Variants in GABBR2 observed in about 807,000 individuals in gnomAD.
GABBR2 encodes gamma-aminobutyric acid type B receptor subunit 2, also known as G-protein coupled receptor 51.
Under a neutral mutation model 105.6 loss-of-function variants are expected in GABBR2, and 23 were observed. That is an observed-to-expected ratio of 0.22 (90% CI 0.16 to 0.31). The LOEUF is 0.31. Ranked by LOEUF, GABBR2 falls within the 10% of genes least tolerant of loss-of-function variation. GABBR2 has a pLI of 1.00. For synonymous variants in GABBR2, 478 were observed against 499.7 expected (o/e 0.96, Z 0.58); for missense variants, 734 against 1,245.5 (o/e 0.59, Z 6.18).
chr9:98,387,401 G>C (rs1832093130), intron 10 of GABBR2, among the ~76,000 whole-genome samples: 1 of 152,208 alleles, frequency 6.6e-6, no homozygotes, highest in African/African-American at 2.4e-5. Context: ...CATCTGGGCT[G>C]TCAATCTAAC....
chr9:98,350,745 G>A (rs1831384906), intron 13 of GABBR2, among the ~76,000 whole-genome samples: 1 of 152,144 alleles, frequency 6.6e-6, no homozygotes, highest in Non-Finnish European at 1.5e-5. Context: ...ATAACTGTCT[G>A]TTAGGTCCAT....
At chr9:98,434,838 A>G (rs147436483) in intron 7 of GABBR2, among the ~76,000 whole-genome samples, 6 of 152,300 alleles carry the variant, frequency 3.9e-5, no homozygotes, top group Non-Finnish European at 7.4e-5. Flanking sequence ...CCAAACAAGG[A>G]CAGTTTGTGA....
intron 3 of GABBR2, among the ~76,000 whole-genome samples, chr9:98,507,180 A>G (rs2808562): frequency 0.17 from 25,824 of 152,136 alleles, 3,278 homozygotes; most frequent in East Asian, 0.6. Context: ...TTCCCCCAAC[A>G]ATGTCCATGT....
chr9:98,588,808 C>T (rs1245992505), intron 1 of GABBR2, among the ~76,000 whole-genome samples: 1 of 152,176 alleles, frequency 6.6e-6, no homozygotes, highest in Non-Finnish European at 1.5e-5. Context: ...ACGATGTGTG[C>T]CATGCCCAGG....
intron 8 of GABBR2, among the ~76,000 whole-genome samples, chr9:98,402,549 G>A (rs571575341): frequency 6.6e-6 from 1 of 152,270 alleles, no homozygotes; most frequent in South Asian, 2.1e-4. Context: ...AAGGCATGCA[G>A]TTTATTTGGA....
chr9:98,627,093 A>G (rs1408547027), intron 1 of GABBR2, among the ~76,000 whole-genome samples: 1 of 152,040 alleles, frequency 6.6e-6, no homozygotes, highest in African/African-American at 2.4e-5. Flanking sequence ...GAGGCACCTG[A>G]GCCATAAGGG....
intron 7 of GABBR2, among the ~76,000 whole-genome samples, chr9:98,439,032 G>A (rs1397909857): frequency 1.3e-5 from 2 of 151,944 alleles, no homozygotes; most frequent in South Asian, 2.1e-4. Flanking sequence ...TGTCATACGT[G>A]TGCCACCCTC....
At chr9:98,586,284 C>CTTTTTT (rs569530376) in intron 1 of GABBR2, among the ~76,000 whole-genome samples, 8 of 131,062 alleles carry the variant, frequency 6.1e-5, no homozygotes, top group South Asian at 2.4e-4. Flanking sequence ...TCTTTTCTTT[C>CTTTTTT]TTTTTTTTTT....
intron 1 of GABBR2, among the ~76,000 whole-genome samples, chr9:98,693,353 G>C (rs991078936): frequency 6.6e-6 from 1 of 152,198 alleles, no homozygotes; most frequent in Admixed American, 6.5e-5. Flanking sequence ...TGCCATTCCC[G>C]GGCCCCTCCA....
At chr9:98,399,200 T>C (rs1008521585) in intron 8 of GABBR2, among the ~76,000 whole-genome samples, 4 of 151,900 alleles carry the variant, frequency 2.6e-5, no homozygotes, top group African/African-American at 7.3e-5. Flanking sequence ...CTAAAAATAC[T>C]AAAATTAGCC....
intron 13 of GABBR2, among the ~76,000 whole-genome samples, chr9:98,353,070 C>G (rs1483606052): frequency 1.3e-5 from 2 of 152,082 alleles, no homozygotes; most frequent in Non-Finnish European, 2.9e-5. Context: ...GGACTCCAGG[C>G]AGCTCCCTAT....
chr9:98,383,272 C>T (rs987738177), intron 11 of GABBR2, among the ~76,000 whole-genome samples: 12 of 152,226 alleles, frequency 7.9e-5, no homozygotes, highest in African/African-American at 2.4e-4. Context: ...AGAACAACCC[C>T]ACTGAACCAC....
At chr9:98,591,072 G>A (rs942967796) in intron 1 of GABBR2, among the ~76,000 whole-genome samples, 2 of 152,174 alleles carry the variant, frequency 1.3e-5, no homozygotes, top group Admixed American at 1.3e-4. Flanking sequence ...CATAACACAG[G>A]GCAGGATAGA....
At chr9:98,512,446 T>C (rs1360674367) in intron 3 of GABBR2, among the ~76,000 whole-genome samples, 1 of 151,392 alleles carries the variant, frequency 6.6e-6, no homozygotes, top group Non-Finnish European at 1.5e-5. Context: ...GGTATTCAAT[T>C]AGGAAAAGAG....
intron 1 of GABBR2, among the ~76,000 whole-genome samples, chr9:98,628,853 A>C (rs567754562): frequency 1.3e-5 from 2 of 152,244 alleles, no homozygotes; most frequent in Non-Finnish European, 2.9e-5. Context: ...GAAGCTGAAA[A>C]GGCCACGTGC....
chr9:98,491,887 T>A (rs541758318), intron 4 of GABBR2, among the ~76,000 whole-genome samples: 188 of 152,328 alleles, frequency 1.2e-3, no homozygotes, highest in African/African-American at 4.3e-3. Flanking sequence ...GCTCAGCCGT[T>A]TCTGTCATGA....
chr9:98,517,567 A>C (rs1442200499), intron 3 of GABBR2, among the ~76,000 whole-genome samples: 2 of 152,226 alleles, frequency 1.3e-5, no homozygotes, highest in African/African-American at 2.4e-5. Context: ...AATAATGTCT[A>C]AACTTCATTG....
chr9:98,604,627 T>C (rs1287125430), intron 1 of GABBR2, among the ~76,000 whole-genome samples: 1 of 152,204 alleles, frequency 6.6e-6, no homozygotes, highest in African/African-American at 2.4e-5. Flanking sequence ...TTGTTTTTAA[T>C]GCTGGCTGGA....
At chr9:98,303,162 G>A (rs1210004414) in intron 16 of GABBR2, 79 bp downstream of exon 16, 3 of 1,157,220 alleles carry the variant, frequency 2.6e-6, no homozygotes, top group Admixed American at 2.0e-5. Context: ...TGGTCTAGAG[G>A]AGCCTGAGAG....
Sources: gnomAD v4.1 joint callset for allele counts (sites outside exome capture counted in the v4.1 genomes callset) on GRCh38, gnomAD v4.1.1 for gene constraint, MANE v1.5 for transcripts, NCBI Gene and HGNC (gene_info 2026-07-23, HGNC 2026-07-21) for gene names.